RANBP3L: variants seen among roughly 807,000 people sequenced by gnomAD.
RANBP3L encodes RAN binding protein 3 like.
RANBP3L carries 56 observed loss-of-function variants against 67.2 expected under a neutral mutation model. The ratio of observed to expected loss-of-function variants is 0.83; its 90% CI spans 0.67 to 1.04. The LOEUF is 1.04. Ranked by LOEUF, RANBP3L falls within the 50% of genes least tolerant of loss-of-function variation. The pLI is 0.00. For synonymous variants in RANBP3L, 164 were observed against 181.4 expected (o/e 0.90, Z 0.77); for missense variants, 496 against 535.5 (o/e 0.93, Z 0.73).
Position 36,271,342 on chromosome 5 carries a change from C to G in RANBP3L, c.92-31G>C, listed in dbSNP as rs573466216. The G allele has an allele frequency of 5.9e-6, 8 of 1,348,090 alleles. No homozygotes were observed. In the Admixed American group the frequency reaches 1.4e-4, roughly 23 times the overall value. The allele number at this position is 1,348,090 out of a possible 1,614,324, so 83.5% of individuals were successfully genotyped here. Reference sequence around the variant, plus strand: ...AAAAAAAAGAAAACAGGCAAGAAATCAAAGCATACTCTGACATTTCTTACA... The same window carrying G: ...AAAAAAAAGAAAACAGGCAAGAAATGAAAGCATACTCTGACATTTCTTACA... On this transcript the variant is annotated intron_variant, in intron 1 of 13. Transcript: ENST00000296604.
At chr5:36,298,175 C>T (rs2112178097) in intron 1 of RANBP3L, among the ~76,000 whole-genome samples, 1 of 151,972 alleles carries the variant, frequency 6.6e-6, no homozygotes, top group South Asian at 2.1e-4. Context: ...TGGAGTGTGC[C>T]TGTAGTCCGA....
intron 4 of RANBP3L, among the ~76,000 whole-genome samples, chr5:36,267,826 GA>G (rs1749918573): frequency 6.6e-6 from 1 of 152,140 alleles, no homozygotes; most frequent in Non-Finnish European, 1.5e-5. Context: ...CTTAAAATAT[GA>G]ATCTAAAGCA....
rs1039172516 is a variant in RANBP3L at position 36,268,250 on chromosome 5, T to C, written c.268+1140A>G. 5.9e-6 allele frequency: 9 copies of C among 1,535,558 alleles called. No homozygotes were observed. The East Asian group carries it at 2.0e-4, about 35-fold the overall frequency. On this transcript the variant is annotated intron_variant, in intron 4 of 13. Transcript: ENST00000296604. ...GTGACGGATGAACATCTCATTTGCT[T>C]CTGAGACAAGGTTGACACTAAAAGC...
chr5:36,284,693 G>C (rs1751204249), intron 1 of RANBP3L, among the ~76,000 whole-genome samples: 1 of 152,108 alleles, frequency 6.6e-6, no homozygotes, highest in African/African-American at 2.4e-5. Flanking sequence ...GGGACATAGG[G>C]GCTAGGCAGT....
rs981245378 is a variant in RANBP3L, at chr5:36,249,045, C to A, written c.*609G>T. Reference sequence around the variant, plus strand: ...TTATTCATTTAACAACTATTGGATGCTGACCATGAGTCAAACATTGACAAG... The same window carrying A: ...TTATTCATTTAACAACTATTGGATGATGACCATGAGTCAAACATTGACAAG... On this transcript the variant is annotated 3_prime_UTR_variant, in exon 14 of 14. Coordinates refer to ENST00000296604, the MANE Select transcript of RANBP3L (RefSeq NM_145000.5). 3.9e-5 allele frequency: 6 copies of A among 152,040 alleles called. No homozygotes were observed. The highest frequency in any genetic ancestry group is 7.4e-5 in the Non-Finnish European group (5 of 67,924). The allele number at this position is 152,040 out of a possible 1,614,324, so 9.4% of individuals were successfully genotyped here.
chr5:36,295,358 T>A (rs564765610), intron 1 of RANBP3L, among the ~76,000 whole-genome samples: 7 of 152,072 alleles, frequency 4.6e-5, no homozygotes, highest in Admixed American at 1.3e-4. Context: ...TGAGATCTGA[T>A]GGTTTTATAA....
rs1263650466 is a variant in RANBP3L at position 36,271,287 on chromosome 5, A to G, written c.116T>C (p.Ile39Thr). ...QQEKSVIAQP[I>T]FVFEKGEQTF... Reference sequence around the variant, plus strand: ...TTGTTCTCCCTTTTCAAAAACAAATATGGGTTGAGCAATGACAGATTTTTC... The same window carrying G: ...TTGTTCTCCCTTTTCAAAAACAAATGTGGGTTGAGCAATGACAGATTTTTC... Residue 39 changes from isoleucine to threonine, a missense_variant, in exon 2 of 14, where the codon ATA becomes ACA. Coordinates refer to ENST00000296604, the MANE Select transcript of RANBP3L (RefSeq NM_145000.5). 1 of 1,589,536 alleles carries G rather than the reference A, an allele frequency of 6.3e-7. No individual in the cohort carries two copies. Among genetic ancestry groups the G allele is most frequent in the Non-Finnish European group, 8.6e-7 (1 of 1,158,604 alleles).
At chr5:36,295,206 T>C (rs1400776470) in intron 1 of RANBP3L, among the ~76,000 whole-genome samples, 1 of 152,004 alleles carries the variant, frequency 6.6e-6, no homozygotes, top group Admixed American at 6.6e-5. Flanking sequence ...CTGCGTGATA[T>C]GGTTTTGCTG....
At position 36,246,993 on chromosome 5, in the gene RANBP3L, G is replaced by A. The variant is rs1453897668; in HGVS notation, c.*2661C>T. On this transcript the variant is annotated 3_prime_UTR_variant, in exon 14 of 14. Transcript: ENST00000296604. Reference sequence around the variant, plus strand: ...ATCTTACTAAAAGAAAGTTAAGGTTGTCTTAACACAAGATATATAATGACA... The same window carrying A: ...ATCTTACTAAAAGAAAGTTAAGGTTATCTTAACACAAGATATATAATGACA... Among the ~76,000 whole-genome samples the A allele has an allele frequency of 6.6e-6, 1 of 152,148 alleles. No individual in the cohort carries two copies. The highest frequency in any genetic ancestry group is 1.9e-4 in the East Asian group (1 of 5,208).
chr5:36,272,081 T>C (rs542055525), intron 1 of RANBP3L, among the ~76,000 whole-genome samples: 4 of 151,958 alleles, frequency 2.6e-5, no homozygotes, highest in African/African-American at 4.8e-5. Flanking sequence ...ACTAATTGAC[T>C]AACTACTTTG....
intron 1 of RANBP3L, among the ~76,000 whole-genome samples, chr5:36,287,033 T>TCCA (rs2112066073): frequency 6.6e-6 from 1 of 152,324 alleles, no homozygotes; most frequent in East Asian, 1.9e-4. Flanking sequence ...AGACAATTTT[T>TCCA]CCACAGATGG....
Position 36,301,454 on chromosome 5 carries a change from G to T in RANBP3L, c.-38C>A. 1 of 1,521,618 alleles carries T rather than the reference G, an allele frequency of 6.6e-7. No homozygotes were observed. Among genetic ancestry groups the T allele is most frequent in the East Asian group, 2.3e-5 (1 of 44,432 alleles). 94.3% of individuals were successfully genotyped at this position (1,521,618 alleles called of 1,614,324 possible). On this transcript the variant is annotated 5_prime_UTR_variant, in exon 1 of 14. Coordinates refer to ENST00000296604, the MANE Select transcript of RANBP3L (RefSeq NM_145000.5). ...ATGGCTGTGACTCAAGGATCACTAG[G>T]GCACCTCCTTCTCTGGCCAGTCACC...
chr5:36,286,020 G>T (rs1381134571), intron 1 of RANBP3L, among the ~76,000 whole-genome samples: 1 of 152,166 alleles, frequency 6.6e-6, no homozygotes, highest in East Asian at 1.9e-4. Context: ...GTGGTTACTG[G>T]CTGACTACAC....
chr5:36,255,098 A>G (rs1748874986), intron 11 of RANBP3L, among the ~76,000 whole-genome samples: 1 of 152,152 alleles, frequency 6.6e-6, no homozygotes, highest in Admixed American at 6.6e-5. Flanking sequence ...TAATAAGATT[A>G]CTATTTAGGT....
chr5:36,294,738 A>T (rs149817856), intron 1 of RANBP3L, among the ~76,000 whole-genome samples: 7 of 149,112 alleles, frequency 4.7e-5, no homozygotes, highest in East Asian at 1.9e-4. Flanking sequence ...ATTTGGTTTT[A>T]TATATATATA....
rs77397228 is a variant in RANBP3L, at chr5:36,300,550, A to G, written c.91+776T>C. On this transcript the variant is annotated intron_variant, in intron 1 of 13. Coordinates refer to ENST00000296604, the MANE Select transcript of RANBP3L (RefSeq NM_145000.5). ...ACCTACACATAAAAAGATCTATCCT[A>G]GGTTATTGAGGAGAAGTTAGAAGTG... Among the ~76,000 whole-genome samples the G allele has an allele frequency of 9.8e-3, 1,487 of 152,272 alleles. 26 individuals are homozygous for G. Among genetic ancestry groups the G allele is most frequent in the African/African-American group, 0.033 (1,388 of 41,556 alleles).
At chr5:36,270,618 G>A (rs772543203) in intron 2 of RANBP3L, among the ~76,000 whole-genome samples, 2 of 152,130 alleles carry the variant, frequency 1.3e-5, no homozygotes, top group African/African-American at 2.4e-5. Flanking sequence ...AGGCTCCCAA[G>A]TAGCTGGGAC....
chr5:36,265,370 C>A, intron 5 of RANBP3L, 79 bp downstream of exon 5: 2 of 911,772 alleles, frequency 2.2e-6, no homozygotes, highest in Admixed American at 4.6e-5. Flanking sequence ...GCCCCCAACA[C>A]ACGCACACAT....
chr5:36,287,862 A>G (rs1260277634), intron 1 of RANBP3L, among the ~76,000 whole-genome samples: 1 of 152,166 alleles, frequency 6.6e-6, no homozygotes, highest in Non-Finnish European at 1.5e-5. Flanking sequence ...TGAAGGTGTG[A>G]TATTTCCTGA....
Sources: gnomAD v4.1 joint callset for allele counts (sites outside exome capture counted in the v4.1 genomes callset) on GRCh38, gnomAD v4.1.1 for gene constraint, MANE v1.5 for transcripts, NCBI Gene and HGNC (gene_info 2026-07-23, HGNC 2026-07-21) for gene names.